Variants in ZNF841 observed in about 807,000 individuals in gnomAD.
ZNF841 encodes the protein zinc finger protein 841, also known as TCONS_00006091.
Under a neutral mutation model 13.0 loss-of-function variants are expected in ZNF841, and 11 were observed. The observed-to-expected ratio is 0.85, with a 90% CI of 0.53 to 1.40. The LOEUF is 1.40. Among genes scored for constraint, ZNF841 ranks in the 40% most tolerant of loss-of-function variants. The pLI is 0.00. For synonymous variants in ZNF841, 369 were observed against 381.6 expected (o/e 0.97, Z 0.38); for missense variants, 1,068 against 1,139.5 (o/e 0.94, Z 0.90).
chr19:52,076,291 G>C (rs2087898941), intron 5 of ZNF841, 119 bp from the exon 6 acceptor site: 2 of 1,248,978 alleles, frequency 1.6e-6, no homozygotes, highest in Non-Finnish European at 2.2e-6. Flanking sequence ...CTCATCCATT[G>C]ATTGCCTCCT....
At chr19:52,074,352 T>C (rs983257608) in intron 6 of ZNF841, among the ~76,000 whole-genome samples, 2 of 152,196 alleles carry the variant, frequency 1.3e-5, no homozygotes, top group Non-Finnish European at 2.9e-5. Flanking sequence ...ACGAATTTTG[T>C]GGACTTAAAA....
chr19:52,094,109 A>G (rs1600111036), intron 1 of ZNF841, 138 bp from the exon 2 acceptor site: 1 of 152,318 alleles, frequency 6.6e-6, no homozygotes, highest in Admixed American at 6.5e-5. Flanking sequence ...CTACTCCATC[A>G]TTGGGAAGAA....
At chr19:52,068,657 CAGAG>C (rs1482544133) in intron 6 of ZNF841, among the ~76,000 whole-genome samples, 2 of 136,218 alleles carry the variant, frequency 1.5e-5, no homozygotes, top group Non-Finnish European at 3.1e-5. Context: ...GCCTGGGCGA[CAGAG>C]CAGTCTCAAA....
intron 6 of ZNF841, among the ~76,000 whole-genome samples, chr19:52,071,646 T>C (rs1007665421): frequency 2.0e-5 from 3 of 152,126 alleles, no homozygotes; most frequent in Non-Finnish European, 4.4e-5. Flanking sequence ...TAGTTTAAAA[T>C]AGGATGTTAT....
At chr19:52,091,328 C>T (rs2088490004) in intron 2 of ZNF841, among the ~76,000 whole-genome samples, 1 of 152,066 alleles carries the variant, frequency 6.6e-6, no homozygotes. Context: ...CTATTTTTCA[C>T]AGATAAAAAA....
intron 6 of ZNF841, among the ~76,000 whole-genome samples, chr19:52,072,162 C>T (rs2087756197): frequency 6.6e-6 from 1 of 152,064 alleles, no homozygotes; most frequent in African/African-American, 2.4e-5. Flanking sequence ...ACAATATGTG[C>T]CTATATAGAG....
intron 6 of ZNF841, among the ~76,000 whole-genome samples, chr19:52,068,400 G>C (rs1279473507): frequency 6.6e-6 from 1 of 152,070 alleles, no homozygotes; most frequent in Non-Finnish European, 1.5e-5. Context: ...AGGTCAGCCG[G>C]GCACGGTGGC....
intron 6 of ZNF841, among the ~76,000 whole-genome samples, chr19:52,070,225 G>C (rs1392598138): frequency 6.6e-6 from 1 of 152,142 alleles, no homozygotes; most frequent in African/African-American, 2.4e-5. Context: ...ATTTTGTGTA[G>C]AGCACCTGAT....
intron 2 of ZNF841, among the ~76,000 whole-genome samples, chr19:52,092,925 C>A (rs2088551510): frequency 6.6e-6 from 1 of 152,180 alleles, no homozygotes; most frequent in South Asian, 2.1e-4. Context: ...TCGAGACCAG[C>A]CTGGCCAACA....
rs1268231839 is a variant in ZNF841 at position 52,084,948 on chromosome 19, A to C, written c.-77-70T>G. The stretch of plus-strand genomic sequence containing the variant: ...TCCTTTCTGTGCCACAACCATGCCC[A>C]CAGGGAAGGCCTCAGCATGTGGAGA... On this transcript the variant is annotated intron_variant, in intron 3 of 6. Coordinates refer to ENST00000594440, the MANE Select transcript of ZNF841 (RefSeq NM_001136499.2). 32 of 831,564 alleles carry C rather than the reference A, an allele frequency of 3.8e-5. No homozygotes were observed. The East Asian group carries it at 8.8e-4, about 23-fold the overall frequency. The allele number at this position is 831,564 out of a possible 1,614,324, so 51.5% of individuals were successfully genotyped here.
chr19:52,075,395 G>GT (rs1478459523), intron 6 of ZNF841, among the ~76,000 whole-genome samples: 1 of 152,180 alleles, frequency 6.6e-6, no homozygotes, highest in African/African-American at 2.4e-5. Context: ...GAGGACCTTT[G>GT]TGTCAACTGT....
At chr19:52,088,626 A>C (rs1268433964) in intron 3 of ZNF841, among the ~76,000 whole-genome samples, 1 of 152,220 alleles carries the variant, frequency 6.6e-6, no homozygotes, top group African/African-American at 2.4e-5. Context: ...ACTGTACTAC[A>C]TACTGAACTT....
At chr19:52,091,676 C>T (rs1488015037) in intron 2 of ZNF841, among the ~76,000 whole-genome samples, 1 of 151,996 alleles carries the variant, frequency 6.6e-6, no homozygotes, top group Non-Finnish European at 1.5e-5. Context: ...ACACTATATG[C>T]AAAGATAAAC....
chr19:52,082,909 TC>T (rs910865415), intron 4 of ZNF841, among the ~76,000 whole-genome samples: 1 of 151,884 alleles, frequency 6.6e-6, no homozygotes, highest in African/African-American at 2.4e-5. Flanking sequence ...TGAAACCCCA[TC>T]TCAACTAAAA....
At chr19:52,087,659 T>C (rs907306837) in intron 3 of ZNF841, among the ~76,000 whole-genome samples, 9 of 151,912 alleles carry the variant, frequency 5.9e-5, no homozygotes, top group African/African-American at 1.9e-4. Flanking sequence ...AACCTTGAAA[T>C]GGGCCAGGTT....
chr19:52,076,128 C>A lies in ZNF841; in HGVS notation c.187G>T (p.Gly63Trp). The A allele has an allele frequency of 6.4e-7, 1 of 1,557,222 alleles. No individual in the cohort carries two copies. Among genetic ancestry groups the A allele is most frequent in the African/African-American group, 1.4e-5 (1 of 73,336 alleles). The stretch of plus-strand genomic sequence containing the variant: ...CTCACCACAGTCCAGGGCTCTTTCC[C>A]TTGCTCCAACATGGAGATAATATTC... ...DLNIISMLEQGKEPWTVVSQV... is the reference protein window; with the variant it reads ...DLNIISMLEQWKEPWTVVSQV... The change falls in exon 6 of 7, where the codon GGG (glycine) becomes TGG (tryptophan). Residue 63 changes from glycine (G) to tryptophan (W), a missense_variant. Coordinates refer to ENST00000594440, the MANE Select transcript of ZNF841 (RefSeq NM_001136499.2).
rs1307701424 is a variant in ZNF841, at chr19:52,065,151, C to G, written c.2731G>C (p.Glu911Gln). The G allele has an allele frequency of 7.7e-6, 12 of 1,568,318 alleles. No homozygotes were observed. Among genetic ancestry groups the G allele is most frequent in the Non-Finnish European group, 1.0e-5 (12 of 1,158,264 alleles). ...GTTAGGACAACATCTAACGGCCTTTCCACATTGAGTTTAGTTGTAAGGTTC... is the reference window on the plus strand; with the variant it reads ...GTTAGGACAACATCTAACGGCCTTTGCACATTGAGTTTAGTTGTAAGGTTC... ...GENLTTKLNVERPLDVVLTSG... is the reference protein window; with the variant it reads ...GENLTTKLNVQRPLDVVLTSG... The change falls in exon 7 of 7, where the codon GAA becomes CAA. Residue 911 changes from glutamate (E) to glutamine (Q), a missense_variant. Transcript: ENST00000594440.
chr19:52,067,781 G>C (rs1486987451), intron 6 of ZNF841, among the ~76,000 whole-genome samples, 171 bp from the exon 7 acceptor site: 1 of 152,026 alleles, frequency 6.6e-6, no homozygotes. Flanking sequence ...CTATAGTAAA[G>C]AAAAAGTGAT....
chr19:52,064,313 TCCGCAG>T (rs2087459803), downstream of ZNF841, among the ~76,000 whole-genome samples: 1 of 122,230 alleles, frequency 8.2e-6, no homozygotes, highest in African/African-American at 3.0e-5. Context: ...GCCACTGCAG[TCCGCAG>T]TCCCGCCTGG....
Sources: gnomAD v4.1 joint callset for allele counts (sites outside exome capture counted in the v4.1 genomes callset) on GRCh38, gnomAD v4.1.1 for gene constraint, MANE v1.5 for transcripts, NCBI Gene and HGNC (gene_info 2026-07-23, HGNC 2026-07-21) for gene names.